The following CSTF3 variants were observed in gnomAD, a reference collection of about 807,000 sequenced individuals.
CSTF3 encodes CF-1 77 kDa subunit.
In CSTF3, 29 loss-of-function variants were observed where a neutral mutation model predicts 105.8. That is an observed-to-expected ratio of 0.27 (90% confidence interval 0.20 to 0.37). CSTF3 has a LOEUF of 0.37. Among genes scored for constraint, CSTF3 ranks in the 10% least tolerant of loss-of-function variants. The pLI is 1.00. For missense variants in CSTF3, 357 were observed against 879.3 expected (o/e 0.41, Z 7.51); for synonymous variants, 252 against 281.9 (o/e 0.89, Z 1.06).
chr11:33,154,491 C>CT (rs34462847), intron 1 of CSTF3, among the ~76,000 whole-genome samples: 1,838 of 60,770 alleles, frequency 0.03, 22 homozygotes, highest in Non-Finnish European at 0.04. Flanking sequence ...GTAAGACTTT[C>CT]TTTTTTTTTT....
intron 1 of CSTF3, among the ~76,000 whole-genome samples, chr11:33,148,612 C>T (rs1855814469): frequency 6.6e-6 from 1 of 151,620 alleles, no homozygotes; most frequent in African/African-American, 2.4e-5. Context: ...GGGAGAAACG[C>T]TTGAACCTGG....
Position 33,141,741 on chromosome 11 carries a change from G to A in CSTF3, c.151C>T (p.Arg51Trp), listed in dbSNP as rs1459100494. 17 of 1,603,160 alleles carry A rather than the reference G, an allele frequency of 1.1e-5. No individual in the cohort carries two copies. The highest frequency in any genetic ancestry group is 1.4e-5 in the Non-Finnish European group (16 of 1,177,258). ...GCAACAAGGCGTTCATAAGTCTTCCGTGCTTTGTCTATAGGTTGATTCTAA... is the reference window on the plus strand; with the variant it reads ...GCAACAAGGCGTTCATAAGTCTTCCATGCTTTGTCTATAGGTTGATTCTAA... ...EAQNQPIDKA[R>W]KTYERLVAQF... Residue 51 changes from arginine (R) to tryptophan (W), a missense_variant, in exon 3 of 21, where the codon CGG becomes TGG. Physicochemically the swap from Arg to Trp is moderately radical, Grantham distance 101. Around this residue, in one of 4 missense-constraint regions of CSTF3, gnomAD observed 78 missense variants for 180.4 expected, o/e 0.43. Transcript: ENST00000323959.
chr11:33,105,871 AC>A lies in CSTF3; in HGVS notation c.458+11del. 6.4e-7 allele frequency: 1 copy of A among 1,557,498 alleles called. No individual in the cohort carries two copies. The highest frequency in any genetic ancestry group is 8.7e-7 in the Non-Finnish European group (1 of 1,150,014). On this transcript the variant is annotated intron_variant, in intron 7 of 20. Coordinates refer to ENST00000323959, the MANE Select transcript of CSTF3 (RefSeq NM_001326.3). ...AACTGTAGATGTAAAAAAAAACTAT[AC>A]AAATACTTACACGCCTTTTAGGAAA...
chr11:33,152,830 T>C (rs951261347), intron 1 of CSTF3, among the ~76,000 whole-genome samples: 9 of 152,132 alleles, frequency 5.9e-5, no homozygotes, highest in African/African-American at 2.2e-4. Flanking sequence ...TGTGGGCACA[T>C]GCCTGTAGTC....
chr11:33,144,684 A>G (rs190396880), intron 1 of CSTF3, among the ~76,000 whole-genome samples: 81 of 152,370 alleles, frequency 5.3e-4, no homozygotes, highest in African/African-American at 1.8e-3. Flanking sequence ...GAACTAGAGC[A>G]GAATACGGTT....
chr11:33,129,455 G>T (rs879733088), intron 3 of CSTF3, among the ~76,000 whole-genome samples: 6 of 151,604 alleles, frequency 4.0e-5, no homozygotes, highest in Non-Finnish European at 5.9e-5. Flanking sequence ...ATGGTGGGGG[G>T]GTCTACAAAG....
chr11:33,153,729 A>T (rs1355727784), intron 1 of CSTF3, among the ~76,000 whole-genome samples: 3 of 149,610 alleles, frequency 2.0e-5, no homozygotes, highest in Admixed American at 1.3e-4. Context: ...AAAAAAAAAG[A>T]TAATTCTCTT....
chr11:33,085,138 G>T lies in CSTF3; in HGVS notation c.2103C>A (p.Val701=), dbSNP rs761298350. The change falls in exon 21 of 21, where the codon GTC becomes GTA. Residue 701 remains valine, a synonymous_variant. Coordinates refer to ENST00000323959, the MANE Select transcript of CSTF3 (RefSeq NM_001326.3). ...CTCTGTAAATGTCATGAACAGGGGG[G>T]ACAACGGCTCCCTTTTCTTCATCTT... is the stretch of plus-strand genomic sequence containing the variant. ...SDEDEEKGAV[V]PPVHDIYRAR... is the part of the protein sequence containing the mutation. 50 of 1,614,032 alleles carry T rather than the reference G, an allele frequency of 3.1e-5. 1 individual carries two copies. The East Asian group carries it at 4.2e-4, about 14-fold the overall frequency.
At chr11:33,150,977 T>A (rs900003768) in intron 1 of CSTF3, among the ~76,000 whole-genome samples, 1 of 152,314 alleles carries the variant, frequency 6.6e-6, no homozygotes, top group South Asian at 2.1e-4. Context: ...ATCTGAAGTG[T>A]ATAACTCAAT....
At chr11:33,119,058 CTTTT>C (rs55762945) in intron 3 of CSTF3, among the ~76,000 whole-genome samples, 1 of 151,242 alleles carries the variant, frequency 6.6e-6, no homozygotes, top group African/African-American at 2.4e-5. Context: ...AGTCACATGA[CTTTT>C]TTTTAATGTG....
At chr11:33,126,718 T>C (rs1017037333) in intron 3 of CSTF3, among the ~76,000 whole-genome samples, 1 of 152,236 alleles carries the variant, frequency 6.6e-6, no homozygotes, top group Non-Finnish European at 1.5e-5. Flanking sequence ...TTTGAATTTT[T>C]AGAAATTCAA....
chr11:33,131,197 TAG>T (rs1431427850), intron 3 of CSTF3, among the ~76,000 whole-genome samples: 1 of 152,196 alleles, frequency 6.6e-6, no homozygotes, highest in Non-Finnish European at 1.5e-5. Flanking sequence ...ACTAGAATTT[TAG>T]AGATAAGATT....
chr11:33,135,068 T>G (rs932199263), intron 3 of CSTF3, among the ~76,000 whole-genome samples: 1 of 152,198 alleles, frequency 6.6e-6, no homozygotes, highest in Admixed American at 6.5e-5. Context: ...CCCGTAACAC[T>G]TGAAGTGTCC....
rs551275975 is a variant in CSTF3 at position 33,160,177 on chromosome 11, C to T, written c.27+1122G>A. Among the ~76,000 whole-genome samples, 7 of 152,048 alleles carry T rather than the reference C, an allele frequency of 4.6e-5. No individual in the cohort carries two copies. The South Asian group carries it at 1.5e-3, about 32-fold the overall frequency. On this transcript the variant is annotated intron_variant, in intron 1 of 20. Coordinates refer to ENST00000323959, the MANE Select transcript of CSTF3 (RefSeq NM_001326.3). ...CTTTGCATGCTTGGGCATGCTAACACTATGTAAAATGTAAATAGTGCGAAG... is the reference window on the plus strand; with the variant it reads ...CTTTGCATGCTTGGGCATGCTAACATTATGTAAAATGTAAATAGTGCGAAG...
At chr11:33,124,573 G>A (rs1465660870) in intron 3 of CSTF3, among the ~76,000 whole-genome samples, 3 of 152,054 alleles carry the variant, frequency 2.0e-5, no homozygotes, top group Admixed American at 6.6e-5. Context: ...GCTAAAAACA[G>A]ACCACCAATT....
At chr11:33,149,674 A>C (rs190151384) in intron 1 of CSTF3, among the ~76,000 whole-genome samples, 2 of 152,352 alleles carry the variant, frequency 1.3e-5, no homozygotes, top group South Asian at 2.1e-4. Context: ...ACTCGAGGTC[A>C]GGAGTTCAAG....
chr11:33,107,235 T>A (rs915522270), intron 5 of CSTF3, among the ~76,000 whole-genome samples: 2 of 152,148 alleles, frequency 1.3e-5, no homozygotes, highest in Non-Finnish European at 2.9e-5. Flanking sequence ...GAGGATCACT[T>A]GAGCCCAAGA....
intron 1 of CSTF3, chr11:33,144,996 A>G (rs1440495218): frequency 6.5e-6 from 1 of 154,826 alleles, no homozygotes; most frequent in African/African-American, 2.4e-5. Context: ...AAAAGCCTTT[A>G]AAGAGTAAAC....
chr11:33,117,229 A>G (rs1176599198), intron 3 of CSTF3, among the ~76,000 whole-genome samples: 2 of 152,044 alleles, frequency 1.3e-5, no homozygotes, highest in Admixed American at 6.6e-5. Context: ...CCAGGCAACA[A>G]AAAGGAAGAG....
Sources: gnomAD v4.1 joint callset for allele counts (sites outside exome capture counted in the v4.1 genomes callset) on GRCh38, gnomAD v4.1.1 for gene constraint, gnomAD v4.1.1 regional missense constraint, MANE v1.5 for transcripts, NCBI Gene and HGNC (gene_info 2026-07-23, HGNC 2026-07-21) for gene names.